The following C12orf42 variants were observed in gnomAD, a reference collection of about 807,000 sequenced individuals.
C12orf42 encodes the protein chromosome 12 open reading frame 42.
C12orf42 carries 25 observed loss-of-function variants against 21.6 expected under a neutral mutation model. That is an observed-to-expected ratio of 1.16 (90% CI 0.84 to 1.62). The LOEUF (loss-of-function observed/expected upper bound fraction) is 1.62. C12orf42 is among the 40% of genes most tolerant of loss of function. The probability of loss-of-function intolerance (pLI) is 0.00; values close to 1 mark genes in which losing one functional copy is unlikely to be tolerated. For missense variants in C12orf42, 483 were observed against 459.3 expected (o/e 1.05, Z -0.47); for synonymous variants, 174 against 175.0 (o/e 0.99, Z 0.05).
the C12orf42 span, among the ~76,000 whole-genome samples, chr12:103,215,370 C>T: frequency 1.3e-5 from 2 of 151,942 alleles, no homozygotes; most frequent in Non-Finnish European, 2.9e-5. Flanking sequence ...GATAATGACA[C>T]TGGTGCTAAT....
At chr12:103,204,172 C>A in the C12orf42 span, among the ~76,000 whole-genome samples, 1 of 152,120 alleles carries the variant, frequency 6.6e-6, no homozygotes, top group Non-Finnish European at 1.5e-5. Context: ...GGTCAAATAA[C>A]CTTGCTAATA....
the C12orf42 span, among the ~76,000 whole-genome samples, chr12:103,137,222 G>C: frequency 6.6e-6 from 1 of 152,056 alleles, no homozygotes; most frequent in African/African-American, 2.4e-5. Flanking sequence ...GACATGAATA[G>C]ACATTTCTCC....
At chr12:103,540,996 C>G in the C12orf42 span, among the ~76,000 whole-genome samples, 6 of 152,032 alleles carry the variant, frequency 3.9e-5, no homozygotes, top group Admixed American at 6.5e-5. Flanking sequence ...CTCTGCCTCC[C>G]GGGTTCAAGC....
At chr12:103,210,971 C>T in the C12orf42 span, among the ~76,000 whole-genome samples, 2 of 152,156 alleles carry the variant, frequency 1.3e-5, no homozygotes, top group South Asian at 2.1e-4. Context: ...GATGACAAAG[C>T]GAGACTCCAT....
rs147477024 is a variant in C12orf42, at chr12:103,346,652, C to A, written c.259+22235G>T. ...CTCAGTGTGACTACAAGAGGCACTC[C>A]TATACAAATGCATCTGTTTCCAGTA... On this transcript the variant is annotated intron_variant, in intron 4 of 5. Transcript: ENST00000548883. Among the ~76,000 whole-genome samples, 466 of 152,286 alleles carry A rather than the reference C, an allele frequency of 3.1e-3. 3 individuals carry two copies. Among genetic ancestry groups the A allele is most frequent in the African/African-American group, 0.01 (428 of 41,570 alleles).
At chr12:103,220,536 A>T in the C12orf42 span, among the ~76,000 whole-genome samples, 2 of 152,170 alleles carry the variant, frequency 1.3e-5, no homozygotes, top group Non-Finnish European at 2.9e-5. Flanking sequence ...TAAAGGGTGG[A>T]AGCTTCAGTT....
At chr12:103,269,929 T>C (rs1413398945) in intron 5 of C12orf42, 3 of 152,156 alleles carry the variant, frequency 2.0e-5, no homozygotes, top group Non-Finnish European at 2.9e-5. Flanking sequence ...TAGACTTGAA[T>C]AACACAGCCG....
chr12:103,184,071 T>A, the C12orf42 span, among the ~76,000 whole-genome samples: 1 of 152,222 alleles, frequency 6.6e-6, no homozygotes, highest in Admixed American at 6.5e-5. Flanking sequence ...CTCACATTGG[T>A]GATTATGTTG....
At chr12:103,311,690 C>G (rs1358394540) in intron 4 of C12orf42, among the ~76,000 whole-genome samples, 1 of 152,074 alleles carries the variant, frequency 6.6e-6, no homozygotes, top group Non-Finnish European at 1.5e-5. Flanking sequence ...ACTTAAAGTC[C>G]AGAGCTTTTT....
chr12:103,419,712 A>C (rs972099063), intron 2 of C12orf42, among the ~76,000 whole-genome samples: 2 of 152,100 alleles, frequency 1.3e-5, no homozygotes, highest in Admixed American at 1.3e-4. Context: ...CCCCAGCTTG[A>C]CCTTGGCCTT....
intron 4 of C12orf42, among the ~76,000 whole-genome samples, chr12:103,287,650 A>G (rs1593291344): frequency 6.6e-6 from 1 of 152,132 alleles, no homozygotes; most frequent in East Asian, 1.9e-4. Flanking sequence ...GCACATGTAT[A>G]CATATATAAC....
At chr12:103,136,044 C>A in the C12orf42 span, among the ~76,000 whole-genome samples, 11 of 152,010 alleles carry the variant, frequency 7.2e-5, no homozygotes, top group African/African-American at 2.7e-4. Flanking sequence ...GAAGTCCTGG[C>A]CAGAGCAATC....
At chr12:103,227,380 G>A in the C12orf42 span, among the ~76,000 whole-genome samples, 1 of 151,926 alleles carries the variant, frequency 6.6e-6, no homozygotes, top group African/African-American at 2.4e-5. Context: ...ATAAGGGATT[G>A]GGGTGCAGAG....
chr12:103,464,514 T>C (rs868252088), intron 2 of C12orf42, among the ~76,000 whole-genome samples: 2 of 152,114 alleles, frequency 1.3e-5, no homozygotes, highest in South Asian at 2.1e-4. Flanking sequence ...ATTCTGTAGA[T>C]TGTCTGTTCA....
the C12orf42 span, among the ~76,000 whole-genome samples, chr12:103,068,031 G>A: frequency 6.6e-6 from 1 of 152,158 alleles, no homozygotes; most frequent in Admixed American, 6.5e-5. Context: ...AGGAATGAAG[G>A]TTTGTGTCAC....
At chr12:103,083,659 T>TA in the C12orf42 span, among the ~76,000 whole-genome samples, 5 of 152,230 alleles carry the variant, frequency 3.3e-5, no homozygotes, top group East Asian at 1.9e-4. Flanking sequence ...TAGTTTCATA[T>TA]AAAAAACTGA....
the C12orf42 span, among the ~76,000 whole-genome samples, chr12:103,544,490 C>G: frequency 6.6e-6 from 1 of 152,136 alleles, no homozygotes; most frequent in Non-Finnish European, 1.5e-5. Context: ...TGGTGTATTT[C>G]TTTTCCTTCA....
chr12:103,083,336 C>G, the C12orf42 span, among the ~76,000 whole-genome samples: 1 of 152,120 alleles, frequency 6.6e-6, no homozygotes, highest in Non-Finnish European at 1.5e-5. Context: ...TGCACTCCAG[C>G]CTGGGCGACA....
the C12orf42 span, among the ~76,000 whole-genome samples, chr12:103,056,609 C>T: frequency 6.6e-6 from 1 of 152,110 alleles, no homozygotes; most frequent in Non-Finnish European, 1.5e-5. Flanking sequence ...GTCCCATAGG[C>T]TCCTGAAGCT....
Sources: allele counts gnomAD v4.1 joint callset (sites outside exome capture counted in the v4.1 genomes callset), GRCh38; gene constraint gnomAD v4.1.1; transcripts MANE v1.5; gene names NCBI Gene and HGNC (gene_info 2026-07-23, HGNC 2026-07-21).